Variants in SAMD3 observed in about 807,000 individuals in gnomAD.
SAMD3 encodes sterile alpha motif domain containing 3.
Under a neutral mutation model 58.5 loss-of-function variants are expected in SAMD3, and 63 were observed. The observed-to-expected ratio is 1.08, with a 90% CI of 0.88 to 1.33. The LOEUF (loss-of-function observed/expected upper bound fraction) is 1.33, where lower values mean the gene tolerates loss of function less well. Ranked by LOEUF, SAMD3 falls within the 40% of genes most tolerant of loss-of-function variation. The probability of loss-of-function intolerance (pLI) is 0.00; values close to 1 mark genes in which losing one functional copy is unlikely to be tolerated. For missense variants in SAMD3, 604 were observed against 608.4 expected (o/e 0.99, Z 0.08); for synonymous variants, 220 against 210.3 (o/e 1.05, Z -0.40).
intron 8 of SAMD3, chr6:130,160,787 G>A (rs1258663783): frequency 1.3e-5 from 2 of 152,044 alleles, no homozygotes; most frequent in Non-Finnish European, 2.9e-5. Flanking sequence ...CAGGATAATG[G>A]ATTGTCAACG....
At chr6:130,313,685 A>T (rs942366334) in intron 1 of SAMD3, among the ~76,000 whole-genome samples, 52 of 152,176 alleles carry the variant, frequency 3.4e-4, no homozygotes, top group Non-Finnish European at 1.2e-4. Context: ...GAAGAGGGCC[A>T]GGTTCCTGGA....
At chr6:130,259,481 C>G (rs1183733503) in intron 2 of SAMD3, among the ~76,000 whole-genome samples, 1 of 152,170 alleles carries the variant, frequency 6.6e-6, no homozygotes, top group Non-Finnish European at 1.5e-5. Flanking sequence ...GATCAGCCTC[C>G]ATGATCCAAA....
intron 5 of SAMD3, among the ~76,000 whole-genome samples, chr6:130,190,645 A>C (rs143629666): frequency 3.9e-5 from 6 of 152,320 alleles, no homozygotes; most frequent in Non-Finnish European, 8.8e-5. Context: ...AAATGATCCA[A>C]TCTGAAAAAC....
At chr6:130,342,611 A>G (rs931295055) in intron 1 of SAMD3, among the ~76,000 whole-genome samples, 8 of 152,170 alleles carry the variant, frequency 5.3e-5, no homozygotes, top group African/African-American at 9.7e-5. Context: ...GGCTTTCATA[A>G]TACCAGGAAT....
chr6:130,234,889 G>A (rs1020340013), intron 2 of SAMD3, among the ~76,000 whole-genome samples: 1 of 152,224 alleles, frequency 6.6e-6, no homozygotes, highest in Non-Finnish European at 1.5e-5. Flanking sequence ...ATTTTGGGAG[G>A]ATTACTTGAG....
At chr6:130,252,843 G>A (rs777932004) in intron 2 of SAMD3, among the ~76,000 whole-genome samples, 30 of 152,124 alleles carry the variant, frequency 2.0e-4, no homozygotes, top group Non-Finnish European at 3.5e-4. Context: ...TGGAATTTTG[G>A]TGTTACATTC....
intron 10 of SAMD3, among the ~76,000 whole-genome samples, 199 bp downstream of exon 10, chr6:130,145,811 C>T (rs35089226): frequency 0.038 from 5,738 of 151,896 alleles, 155 homozygotes; most frequent in Non-Finnish European, 0.06. Flanking sequence ...TTTTTCCCCA[C>T]CAGTTGTTTC....
At chr6:130,146,973 CAAAA>C (rs140130145) in intron 9 of SAMD3, among the ~76,000 whole-genome samples, 14,739 of 152,010 alleles carry the variant, frequency 0.097, 850 homozygotes, top group Admixed American at 0.15. Context: ...GACCCTGTCT[CAAAA>C]GAAAAGAAAG....
At chr6:130,294,271 G>C (rs540990373) in intron 2 of SAMD3, among the ~76,000 whole-genome samples, 18 of 152,060 alleles carry the variant, frequency 1.2e-4, no homozygotes, top group Non-Finnish European at 2.1e-4. Flanking sequence ...ACTTCAAAAG[G>C]CTTTGTTTAA....
chr6:130,283,780 G>A (rs985017136), intron 2 of SAMD3, among the ~76,000 whole-genome samples: 1 of 152,126 alleles, frequency 6.6e-6, no homozygotes, highest in African/African-American at 2.4e-5. Context: ...GAAAGAATAG[G>A]CTTCAAGTAA....
At chr6:130,239,555 AGAAGTAT>A (rs1773283122) in intron 2 of SAMD3, among the ~76,000 whole-genome samples, 1 of 152,208 alleles carries the variant, frequency 6.6e-6, no homozygotes, top group Admixed American at 6.5e-5. Flanking sequence ...AAGAGATCTA[AGAAGTAT>A]GAAGTCCAAC....
intron 8 of SAMD3, chr6:130,159,976 T>A (rs974567243): frequency 6.6e-6 from 1 of 152,058 alleles, no homozygotes; most frequent in African/African-American, 2.4e-5. Context: ...GGTGGTGGCA[T>A]TGCATGGGGG....
intron 1 of SAMD3, among the ~76,000 whole-genome samples, chr6:130,326,891 T>A (rs1030611205): frequency 6.6e-6 from 1 of 152,230 alleles, no homozygotes; most frequent in African/African-American, 2.4e-5. Flanking sequence ...ATAGATGAGA[T>A]ACTGCAGTGA....
intron 2 of SAMD3, among the ~76,000 whole-genome samples, chr6:130,235,480 C>A (rs1267097904): frequency 6.6e-6 from 1 of 152,058 alleles, no homozygotes; most frequent in Non-Finnish European, 1.5e-5. Context: ...GATTGGAAAT[C>A]TAGATCATTA....
At chr6:130,178,897 G>C (rs1281110184) in intron 7 of SAMD3, among the ~76,000 whole-genome samples, 1 of 152,206 alleles carries the variant, frequency 6.6e-6, no homozygotes, top group Non-Finnish European at 1.5e-5. Flanking sequence ...GCATGAGTCA[G>C]AGGTGCCTTA....
intron 1 of SAMD3, among the ~76,000 whole-genome samples, chr6:130,320,182 T>C (rs780061680): frequency 6.6e-6 from 1 of 151,970 alleles, no homozygotes. Context: ...AGATCCAGAA[T>C]ATACAGAGAA....
intron 6 of SAMD3, 44 bp from the exon 7 acceptor site, chr6:130,184,231 C>A (rs1308480366): frequency 1.4e-6 from 2 of 1,443,176 alleles, no homozygotes; most frequent in South Asian, 1.2e-5. Context: ...TCAAGCAAAC[C>A]ACATTCCTTC....
At chr6:130,339,274 C>T (rs777065962) in intron 1 of SAMD3, among the ~76,000 whole-genome samples, 38 of 152,060 alleles carry the variant, frequency 2.5e-4, no homozygotes, top group Non-Finnish European at 5.1e-4. Context: ...GTCTCGATCC[C>T]CTGACCTCGT....
At chr6:130,202,783 G>A (rs1195591870) in intron 5 of SAMD3, among the ~76,000 whole-genome samples, 2 of 152,106 alleles carry the variant, frequency 1.3e-5, no homozygotes, top group African/African-American at 4.8e-5. Context: ...TTAGGCATGA[G>A]GTTCTACACA....
Sources: allele counts gnomAD v4.1 joint callset (sites outside exome capture counted in the v4.1 genomes callset), GRCh38; gene constraint gnomAD v4.1.1; transcripts MANE v1.5; gene names NCBI Gene and HGNC (gene_info 2026-07-23, HGNC 2026-07-21).